The following HK1 variants were observed in gnomAD, a reference collection of about 807,000 sequenced individuals.
HK1 encodes the protein hexokinase 1, also known as hexokinase-1.
Under a neutral mutation model 91.6 loss-of-function variants are expected in HK1, and 28 were observed. The ratio of observed to expected loss-of-function variants is 0.31; its 90% confidence interval spans 0.23 to 0.42. The LOEUF (loss-of-function observed/expected upper bound fraction) is 0.42. Ranked by LOEUF, HK1 falls within the 10% of genes least tolerant of loss-of-function variation. The pLI, the probability that HK1 is intolerant of heterozygous loss-of-function variation, is 1.00. For synonymous variants in HK1, 430 were observed against 468.1 expected (o/e 0.92, Z 1.05); for missense variants, 770 against 1,219.8 (o/e 0.63, Z 5.49).
At chr10:69,295,788 G>T in intron 4 of HK1, 1 of 773,348 alleles carries the variant, frequency 1.3e-6, no homozygotes, top group South Asian at 1.4e-5. Context: ...AAGCAGCTGT[G>T]CAGTGGCTTC....
At position 69,401,511 on chromosome 10, in the gene HK1, G is replaced by C. The variant is rs757171460; in HGVS notation, c.*376G>C. 13 of 362,314 alleles carry C rather than the reference G, an allele frequency of 3.6e-5. No individual in the cohort carries two copies. Among genetic ancestry groups the C allele is most frequent in the Non-Finnish European group, 6.4e-5 (12 of 187,786 alleles). The allele number at this position is 362,314 out of a possible 1,614,324, so 22.4% of individuals were successfully genotyped here. A position where few individuals can be genotyped will look rare whatever the true frequency, so the allele number is the denominator to read the frequency against. ...TCTGGGCCTCCAAAGCCCATCCTTG[G>C]GGTTCCCCCTCCCTGTGTGAAATGT... On this transcript the variant is annotated 3_prime_UTR_variant, in exon 18 of 18. Transcript: ENST00000359426.
chr10:69,344,172 C>T (rs1469953663), intron 2 of HK1, among the ~76,000 whole-genome samples, 183 bp downstream of exon 2: 1 of 152,122 alleles, frequency 6.6e-6, no homozygotes, highest in African/African-American at 2.4e-5. Flanking sequence ...TCCATCCATC[C>T]GCTGATCCAT....
intron 2 of HK1, among the ~76,000 whole-genome samples, chr10:69,344,519 G>T (rs1008634574): frequency 6.6e-6 from 1 of 152,232 alleles, no homozygotes; most frequent in Admixed American, 6.5e-5. Context: ...AGATTTCACA[G>T]ATGCAGAATT....
rs781372387 is a variant in HK1 at position 69,377,024 on chromosome 10, G to C, written c.966G>C (p.Gly322=). 1.9e-6 allele frequency: 3 copies of C among 1,614,174 alleles called. No individual in the cohort carries two copies. The South Asian group carries it at 3.3e-5, about 18-fold the overall frequency. ...KMAKEGLLFE[G]RITPELLTRG... Reference sequence around the variant, plus strand: ...CCAAGGAGGGCCTCTTATTTGAAGGGCGGATCACCCCGGAGCTGCTCACCC... The same window carrying C: ...CCAAGGAGGGCCTCTTATTTGAAGGCCGGATCACCCCGGAGCTGCTCACCC... Residue 322 remains glycine, a synonymous_variant, in exon 8 of 18, where the codon GGG becomes GGC. Coordinates refer to ENST00000359426, the MANE Select transcript of HK1 (RefSeq NM_000188.3).
chr10:69,292,216 G>A (rs555975811), intron 3 of HK1: 3 of 313,996 alleles, frequency 9.6e-6, no homozygotes, highest in East Asian at 1.1e-4. Context: ...GACTAGAGGC[G>A]TGTGCCCCCA....
At chr10:69,368,774 T>G in intron 5 of HK1, 143 bp downstream of exon 5, 1 of 723,264 alleles carries the variant, frequency 1.4e-6, no homozygotes, top group Non-Finnish European at 2.5e-6. Flanking sequence ...GGGCTCACAG[T>G]GTGGAATGAT....
At chr10:69,371,754 G>T (rs988808136) in intron 7 of HK1, among the ~76,000 whole-genome samples, 4 of 152,170 alleles carry the variant, frequency 2.6e-5, no homozygotes, top group African/African-American at 9.7e-5. Flanking sequence ...CCAAAGAGAT[G>T]AACTGTATCC....
chr10:69,287,363 A>G (rs949084069), intron 2 of HK1, among the ~76,000 whole-genome samples: 1 of 152,208 alleles, frequency 6.6e-6, no homozygotes, highest in Non-Finnish European at 1.5e-5. Flanking sequence ...AACCGCCCCC[A>G]TGATCCAACT....
At chr10:69,383,683 C>T (rs113530948) in intron 10 of HK1, among the ~76,000 whole-genome samples, 2,307 of 152,372 alleles carry the variant, frequency 0.015, 63 homozygotes, top group African/African-American at 0.052. Context: ...AGATCTCAGA[C>T]GCCCTTCCCC....
chr10:69,333,106 A>G (rs530633995), intron 1 of HK1, among the ~76,000 whole-genome samples: 2 of 152,322 alleles, frequency 1.3e-5, no homozygotes, highest in South Asian at 2.1e-4. Context: ...GGCAGATTTC[A>G]TGATTGCTGT....
intron 2 of HK1, among the ~76,000 whole-genome samples, chr10:69,353,468 C>T (rs538070226): frequency 1.5e-4 from 23 of 152,138 alleles, no homozygotes; most frequent in South Asian, 6.2e-4. Context: ...TGGCACGTGC[C>T]GGTAGTTCCA....
intron 11 of HK1, 49 bp downstream of exon 11, chr10:69,384,530 G>T: frequency 6.2e-7 from 1 of 1,611,530 alleles, no homozygotes; most frequent in Non-Finnish European, 8.5e-7. Flanking sequence ...ACGGCCAGTG[G>T]CACCGGCAGT....
At chr10:69,289,962 CT>C (rs1484191640) in intron 3 of HK1, among the ~76,000 whole-genome samples, 2 of 151,994 alleles carry the variant, frequency 1.3e-5, no homozygotes, top group African/African-American at 2.4e-5. Flanking sequence ...GATTCTCCCC[CT>C]GGATGTTGAA....
At chr10:69,342,685 G>C (rs1848352159) in intron 1 of HK1, among the ~76,000 whole-genome samples, 1 of 152,144 alleles carries the variant, frequency 6.6e-6, no homozygotes, top group Non-Finnish European at 1.5e-5. Flanking sequence ...GTAGAAGATG[G>C]GTTGGAAGGA....
intron 2 of HK1, among the ~76,000 whole-genome samples, chr10:69,350,290 G>A (rs1415821961): frequency 2.6e-5 from 4 of 152,164 alleles, no homozygotes; most frequent in Non-Finnish European, 5.9e-5. Flanking sequence ...CAACCTCATA[G>A]GTGAAAAATG....
intron 9 of HK1, among the ~76,000 whole-genome samples, chr10:69,382,124 C>G (rs1030275123): frequency 1.3e-5 from 2 of 152,160 alleles, no homozygotes; most frequent in Non-Finnish European, 2.9e-5. Context: ...GCACAGTGGC[C>G]CATGCCTGTA....
chr10:69,275,093 C>T (rs898887822), intron 1 of HK1, among the ~76,000 whole-genome samples: 2 of 151,750 alleles, frequency 1.3e-5, no homozygotes, highest in Non-Finnish European at 2.9e-5. Flanking sequence ...TTTCTAATTG[C>T]TATAGTGGAC....
chr10:69,344,986 C>T (rs768712462), intron 2 of HK1, among the ~76,000 whole-genome samples: 9 of 151,594 alleles, frequency 5.9e-5, no homozygotes, highest in Non-Finnish European at 1.0e-4. Flanking sequence ...TCCCTGCTCT[C>T]GAGGCTCTTA....
intron 1 of HK1, chr10:69,319,217 A>G: frequency 3.1e-6 from 2 of 654,878 alleles, no homozygotes; most frequent in Non-Finnish European, 5.3e-6. Flanking sequence ...GGAGGGGGGC[A>G]ATCGGGCGGA....
Sources: allele counts gnomAD v4.1 joint callset (sites outside exome capture counted in the v4.1 genomes callset), GRCh38; gene constraint gnomAD v4.1.1; transcripts MANE v1.5; gene names NCBI Gene and HGNC (gene_info 2026-07-23, HGNC 2026-07-21).